The following RBFOX1 variants were observed in gnomAD, a reference collection of about 807,000 sequenced individuals.
RBFOX1 encodes the protein RNA binding protein fox-1 homolog 1.
Under a neutral mutation model 57.7 loss-of-function variants are expected in RBFOX1, and 8 were observed. That is an observed-to-expected ratio of 0.14 (90% CI 0.08 to 0.25). The LOEUF (loss-of-function observed/expected upper bound fraction) is 0.25, where lower values mean the gene tolerates loss of function less well. RBFOX1 is among the 10% of genes least tolerant of loss of function. The pLI, the probability that RBFOX1 is intolerant of heterozygous loss-of-function variation, is 1.00. For missense variants in RBFOX1, 611 were observed against 548.5 expected, an observed-to-expected ratio of 1.11 and a Z score of -1.14; for synonymous variants, 326 against 222.4, an observed-to-expected ratio of 1.47 and a Z score of -4.15.
At chr16:7,011,068 A>ATTT (rs200444462) in intron 3 of RBFOX1, among the ~76,000 whole-genome samples, 11 of 145,424 alleles carry the variant, frequency 7.6e-5, no homozygotes, top group African/African-American at 2.5e-4. Context: ...AAGCAAATTC[A>ATTT]TTTTTTTTTT....
intron 1 of RBFOX1, among the ~76,000 whole-genome samples, chr16:5,441,397 C>T (rs2068080376): frequency 7.1e-6 from 1 of 141,690 alleles, no homozygotes; most frequent in South Asian, 2.2e-4. Context: ...CAGAGTCTCG[C>T]AGTGTCACCT....
chr16:7,512,581 G>C (rs539161130), intron 4 of RBFOX1, among the ~76,000 whole-genome samples: 44 of 152,324 alleles, frequency 2.9e-4, no homozygotes, highest in Admixed American at 1.7e-3. Context: ...GAAATCTGGA[G>C]TCCCATGTTC....
intron 4 of RBFOX1, among the ~76,000 whole-genome samples, chr16:7,267,009 G>T (rs1217094317): frequency 2.0e-5 from 3 of 152,052 alleles, no homozygotes; most frequent in South Asian, 2.1e-4. Context: ...CAAAAACAAG[G>T]TTCAAAAGGG....
At chr16:5,676,680 A>G (rs867672738) in intron 3 of RBFOX1, among the ~76,000 whole-genome samples, 5 of 152,162 alleles carry the variant, frequency 3.3e-5, no homozygotes, top group Admixed American at 6.5e-5. Flanking sequence ...GGCCAATGTG[A>G]CAAAACCTCA....
chr16:6,864,121 G>C (rs1446328194), intron 3 of RBFOX1, among the ~76,000 whole-genome samples: 1 of 151,864 alleles, frequency 6.6e-6, no homozygotes, highest in African/African-American at 2.4e-5. Context: ...AAGCGAAGGA[G>C]TCTCTTTAGC....
At chr16:7,128,095 C>G (rs1038770655) in intron 4 of RBFOX1, among the ~76,000 whole-genome samples, 3 of 152,208 alleles carry the variant, frequency 2.0e-5, no homozygotes, top group African/African-American at 7.2e-5. Context: ...GATGCAGCAG[C>G]TCCAGGCTTA....
chr16:5,998,823 A>T (rs970153732), intron 4 of RBFOX1, among the ~76,000 whole-genome samples: 2 of 152,204 alleles, frequency 1.3e-5, no homozygotes, highest in African/African-American at 4.8e-5. Flanking sequence ...TACTACGTAT[A>T]TAAATTCACG....
intron 3 of RBFOX1, among the ~76,000 whole-genome samples, chr16:5,843,977 C>G (rs1204905845): frequency 6.6e-6 from 1 of 152,180 alleles, no homozygotes; most frequent in African/African-American, 2.4e-5. Flanking sequence ...AGAACATCAT[C>G]TCTTGAAAGA....
At chr16:7,382,522 A>G (rs982177812) in intron 4 of RBFOX1, among the ~76,000 whole-genome samples, 3 of 152,254 alleles carry the variant, frequency 2.0e-5, no homozygotes, top group Non-Finnish European at 2.9e-5. Flanking sequence ...AAGATAGTGC[A>G]GCAGAGGAAA....
chr16:6,905,635 T>G (rs2069678378), intron 3 of RBFOX1, among the ~76,000 whole-genome samples: 1 of 151,996 alleles, frequency 6.6e-6, no homozygotes, highest in South Asian at 2.1e-4. Flanking sequence ...ATTCCAATTT[T>G]CCCCGTTTAG....
At chr16:6,452,548 G>C (rs950073791) in intron 2 of RBFOX1, among the ~76,000 whole-genome samples, 2 of 152,188 alleles carry the variant, frequency 1.3e-5, no homozygotes. Flanking sequence ...CATCTACCAG[G>C]GATGTACCTA....
chr16:7,710,531 G>C (rs1335307687), intron 15 of RBFOX1, 92 bp from the exon 16 acceptor site: 8 of 1,581,926 alleles, frequency 5.1e-6, no homozygotes, highest in African/African-American at 2.8e-5. Flanking sequence ...GGTTGGTTTT[G>C]AGTGTCTATT....
At chr16:7,687,298 G>A (rs554323721) in intron 14 of RBFOX1, among the ~76,000 whole-genome samples, 1 of 152,032 alleles carries the variant, frequency 6.6e-6, no homozygotes, top group African/African-American at 2.4e-5. Flanking sequence ...TGGAAAGGAG[G>A]TAAAATACTG....
chr16:6,652,022 A>T (rs927066679), intron 2 of RBFOX1, among the ~76,000 whole-genome samples: 6 of 152,238 alleles, frequency 3.9e-5, no homozygotes, highest in Non-Finnish European at 1.5e-5. Flanking sequence ...TCAATTGTAT[A>T]ACTGTAAAAT....
At chr16:5,950,237 C>G (rs376505277) in intron 4 of RBFOX1, among the ~76,000 whole-genome samples, 6 of 152,348 alleles carry the variant, frequency 3.9e-5, no homozygotes, top group African/African-American at 1.4e-4. Context: ...AGAACATTCA[C>G]TAAGCATAAA....
intron 2 of RBFOX1, among the ~76,000 whole-genome samples, chr16:6,585,935 A>C (rs905308768): frequency 2.0e-5 from 3 of 152,244 alleles, no homozygotes; most frequent in Admixed American, 2.0e-4. Context: ...TGTATTAATT[A>C]AAGTGTGTCC....
intron 3 of RBFOX1, among the ~76,000 whole-genome samples, chr16:6,868,464 C>T (rs1226254920): frequency 1.3e-5 from 2 of 149,150 alleles, no homozygotes; most frequent in African/African-American, 5.0e-5. Flanking sequence ...GCCAGTGTTT[C>T]ATATTTATTG....
intron 2 of RBFOX1, among the ~76,000 whole-genome samples, chr16:5,568,024 C>G (rs1596306352): frequency 6.6e-6 from 1 of 152,206 alleles, no homozygotes; most frequent in Non-Finnish European, 1.5e-5. Flanking sequence ...GCTCTATAGC[C>G]TGACACCAGT....
At chr16:5,935,980 CT>C (rs2059160278) in intron 4 of RBFOX1, among the ~76,000 whole-genome samples, 1 of 152,158 alleles carries the variant, frequency 6.6e-6, no homozygotes, top group African/African-American at 2.4e-5. Context: ...AACCTGCAAG[CT>C]CCACTGTATT....
Sources: allele counts gnomAD v4.1 joint callset (sites outside exome capture counted in the v4.1 genomes callset), GRCh38; gene constraint gnomAD v4.1.1; transcripts MANE v1.5; gene names NCBI Gene and HGNC (gene_info 2026-07-23, HGNC 2026-07-21).